CCNB3: variants seen among roughly 807,000 people sequenced by gnomAD.
CCNB3 encodes the protein cyclin B3.
Under a neutral mutation model 68.0 loss-of-function variants are expected in CCNB3, and 12 were observed. That is an observed-to-expected ratio of 0.18 (90% CI 0.11 to 0.29). CCNB3 has a LOEUF of 0.29. Among genes scored for constraint, CCNB3 ranks in the 10% least tolerant of loss-of-function variants. The pLI, the probability that CCNB3 is intolerant of heterozygous loss-of-function variation, is 1.00. For synonymous variants in CCNB3, 354 were observed against 388.9 expected (o/e 0.91, Z 1.06); for missense variants, 904 against 993.1 (o/e 0.91, Z 1.21).
chrX:50,346,707 A>C lies in CCNB3; in HGVS notation c.3710A>C (p.Gln1237Pro). The C allele has an allele frequency of 8.3e-7, 1 of 1,211,031 alleles. No individual in the cohort carries two copies. The highest frequency in any genetic ancestry group is 1.1e-6 in the Non-Finnish European group (1 of 894,795). ...GTGTACATCTGTGATGATAATTATC[A>C]GCGATCTGAGGTACTCAGCATGGAA... ...DFVYICDDNY[Q>P]RSEVLSMEIN... Residue 1237 changes from glutamine (Q) to proline (P), a missense_variant, in exon 10 of 13, where the codon CAG (glutamine) becomes CCG (proline). This residue lies in a region of CCNB3 where 285 missense variants were observed against 383.4 expected (regional missense o/e 0.74). Coordinates refer to ENST00000376042, the MANE Select transcript of CCNB3 (RefSeq NM_033031.3).
intron 1 of CCNB3, among the ~76,000 whole-genome samples, chrX:50,216,253 TTG>T (rs1335106689): frequency 0.025 from 2,608 of 106,103 alleles, 85 homozygotes; most frequent in African/African-American, 0.086. Flanking sequence ...GCGCCAGGCC[TTG>T]TGTGTGTGTG....
intron 1 of CCNB3, among the ~76,000 whole-genome samples, chrX:50,226,399 A>C (rs1268144625): frequency 2.3e-5 from 1 of 42,824 alleles, no homozygotes; most frequent in Non-Finnish European, 3.7e-5. Flanking sequence ...GAATATATAT[A>C]AAAATATATA....
chrX:50,316,308 A>G lies in CCNB3; in HGVS notation c.3516+2360A>G, dbSNP rs1449525236. On this transcript the variant is annotated intron_variant, in intron 8 of 12. Transcript: ENST00000376042. ...AACCTCTTTTCTTTATAAATTACCC[A>G]GTCTCAGGTATTTCTTCATAGATGT... 3.6e-5 allele frequency among the ~76,000 whole-genome samples: 4 copies of G among 111,779 alleles called. No homozygotes were observed. In the East Asian group the frequency reaches 1.1e-3, roughly 31 times the overall value.
chrX:50,289,574 T>A (rs1469259728), intron 4 of CCNB3, among the ~76,000 whole-genome samples: 4 of 111,832 alleles, frequency 3.6e-5, no homozygotes, highest in Non-Finnish European at 5.6e-5. Flanking sequence ...TAATAATAAC[T>A]GGTACACTTA....
intron 5 of CCNB3, among the ~76,000 whole-genome samples, chrX:50,307,871 TC>T (rs1921165070): frequency 8.9e-6 from 1 of 112,131 alleles, no homozygotes; most frequent in African/African-American, 3.2e-5. Context: ...CTCTTCTTAT[TC>T]TGAACTTTAG....
chrX:50,314,306 C>G (rs1314063711), intron 8 of CCNB3, among the ~76,000 whole-genome samples: 1 of 110,948 alleles, frequency 9.0e-6, no homozygotes, highest in African/African-American at 3.3e-5. Context: ...GTCTTTCAAA[C>G]TTTGAGTGGA....
chrX:50,291,762 C>T (rs1346115099), intron 4 of CCNB3, among the ~76,000 whole-genome samples: 1 of 111,314 alleles, frequency 9.0e-6, no homozygotes, highest in East Asian at 2.8e-4. Context: ...CTTGATTGTA[C>T]ATATAAGGAG....
At chrX:50,302,810 A>C (rs781983128) in intron 5 of CCNB3, among the ~76,000 whole-genome samples, 8 of 112,249 alleles carry the variant, frequency 7.1e-5, no homozygotes, top group Middle Eastern at 4.6e-3. Context: ...TTTATTGCCA[A>C]GTAATATTTC....
chrX:50,204,565 T>C (rs782185991), upstream of CCNB3: 1 of 106,683 alleles, frequency 9.4e-6, no homozygotes, highest in East Asian at 3.0e-4. Flanking sequence ...TCTTTCAGGG[T>C]CTGGAGATAG....
At chrX:50,329,493 G>C (rs1431107602) in intron 8 of CCNB3, among the ~76,000 whole-genome samples, 2 of 112,464 alleles carry the variant, frequency 1.8e-5, no homozygotes, top group East Asian at 5.6e-4. Flanking sequence ...TAAGTAACTG[G>C]GCCCCTTTGG....
chrX:50,216,127 T>G (rs948728294), intron 1 of CCNB3, among the ~76,000 whole-genome samples: 5 of 108,386 alleles, frequency 4.6e-5, no homozygotes, highest in African/African-American at 1.7e-4. Context: ...TTTTGTATTT[T>G]TAGTAGAAAC....
chrX:50,216,218 G>T (rs1205372753), intron 1 of CCNB3, among the ~76,000 whole-genome samples: 1 of 109,140 alleles, frequency 9.2e-6, no homozygotes, highest in Non-Finnish European at 1.9e-5. Context: ...CTCCTAAAGT[G>T]CTGGGATTAC....
At chrX:50,320,337 G>A (rs1557216411) in intron 8 of CCNB3, among the ~76,000 whole-genome samples, 1 of 110,457 alleles carries the variant, frequency 9.1e-6, no homozygotes, top group East Asian at 2.8e-4. Flanking sequence ...ATTTCATATT[G>A]GGTGACTTTT....
intron 8 of CCNB3, among the ~76,000 whole-genome samples, chrX:50,315,334 A>G (rs1469718097): frequency 8.9e-6 from 1 of 112,328 alleles, no homozygotes; most frequent in East Asian, 2.8e-4. Context: ...AGTTATATGT[A>G]GTGCTTTTAT....
At chrX:50,225,914 T>C (rs1447869687) in intron 1 of CCNB3, among the ~76,000 whole-genome samples, 3 of 101,178 alleles carry the variant, frequency 3.0e-5, no homozygotes, top group African/African-American at 1.1e-4. Context: ...TTAGATGATA[T>C]TTAAAGTCAT....
At chrX:50,346,575 C>T (rs1318052014) in intron 9 of CCNB3, 77 bp from the exon 10 acceptor site, 7 of 1,012,775 alleles carry the variant, frequency 6.9e-6, no homozygotes, top group Non-Finnish European at 9.5e-6. Context: ...TCACCCTTCT[C>T]CCTGCTGACT....
chrX:50,209,677 A>G (rs1368087637), intron 1 of CCNB3, among the ~76,000 whole-genome samples: 1 of 112,244 alleles, frequency 8.9e-6, no homozygotes, highest in Non-Finnish European at 1.9e-5. Context: ...TGTTAACTAT[A>G]GGCACTGGGT....
intron 1 of CCNB3, among the ~76,000 whole-genome samples, chrX:50,208,530 C>T (rs1332208708): frequency 1.8e-5 from 2 of 111,911 alleles, no homozygotes; most frequent in African/African-American, 3.2e-5. Context: ...AAGACAATAT[C>T]GATGTTGGAT....
At chrX:50,344,324 G>A (rs1231692384) in intron 9 of CCNB3, among the ~76,000 whole-genome samples, 3 of 112,330 alleles carry the variant, frequency 2.7e-5, no homozygotes, top group African/African-American at 9.7e-5. Flanking sequence ...ACATAACTGT[G>A]TATACATACA....
Sources: allele counts gnomAD v4.1 joint callset (sites outside exome capture counted in the v4.1 genomes callset), GRCh38; gene constraint gnomAD v4.1.1; regional missense constraint gnomAD v4.1.1; transcripts MANE v1.5; gene names NCBI Gene and HGNC (gene_info 2026-07-23, HGNC 2026-07-21).